CLVS1: variants seen among roughly 807,000 people sequenced by gnomAD.
CLVS1 encodes the protein clavesin 1.
CLVS1 carries 10 observed loss-of-function variants against 33.1 expected under a neutral mutation model. That is an observed-to-expected ratio of 0.30 (90% CI 0.19 to 0.51). The LOEUF (loss-of-function observed/expected upper bound fraction) is 0.51, where lower values mean the gene tolerates loss of function less well. Ranked by LOEUF, CLVS1 falls within the 20% of genes least tolerant of loss-of-function variation. The pLI is 0.97. For missense variants in CLVS1, 343 were observed against 433.4 expected (o/e 0.79, Z 1.85); for synonymous variants, 163 against 166.1 (o/e 0.98, Z 0.14).
intron 2 of CLVS1, among the ~76,000 whole-genome samples, chr8:61,159,544 T>C (rs571729133): frequency 4.6e-5 from 7 of 152,236 alleles, no homozygotes; most frequent in Non-Finnish European, 1.0e-4. Flanking sequence ...TTAATCAAAT[T>C]GGATTTGAAA....
the CLVS1 span, among the ~76,000 whole-genome samples, chr8:60,984,807 G>T: frequency 9.9e-5 from 15 of 152,236 alleles, 2 homozygotes; most frequent in African/African-American, 2.9e-4. Context: ...ATGAGGAAAT[G>T]GTGGCTTCAG....
intron 2 of CLVS1, among the ~76,000 whole-genome samples, chr8:61,169,081 T>C (rs1182386818): frequency 2.6e-5 from 4 of 152,140 alleles, no homozygotes; most frequent in Non-Finnish European, 5.9e-5. Context: ...GGTTGGGAGA[T>C]GGGTTTAGTG....
At chr8:61,276,099 A>AC (rs1392776339) in intron 2 of CLVS1, among the ~76,000 whole-genome samples, 1 of 152,120 alleles carries the variant, frequency 6.6e-6, no homozygotes, top group Non-Finnish European at 1.5e-5. Flanking sequence ...CCATTAAGAA[A>AC]CCTATGCTTG....
At chr8:61,433,443 GTTGT>G (rs1262203753) in intron 3 of CLVS1, among the ~76,000 whole-genome samples, 1 of 152,178 alleles carries the variant, frequency 6.6e-6, no homozygotes, top group East Asian at 1.9e-4. Context: ...CAGATTTGTT[GTTGT>G]TTGTTTGCCT....
intron 2 of CLVS1, among the ~76,000 whole-genome samples, chr8:61,198,091 G>A (rs1183749035): frequency 6.8e-6 from 1 of 147,636 alleles, no homozygotes; most frequent in Non-Finnish European, 1.5e-5. Flanking sequence ...TGTGCAGATA[G>A]TTGTTAAAAT....
intron 5 of CLVS1, among the ~76,000 whole-genome samples, chr8:61,484,512 T>C (rs914720985): frequency 1.3e-5 from 2 of 152,178 alleles, no homozygotes; most frequent in Non-Finnish European, 2.9e-5. Context: ...AAAATGGCCA[T>C]ACTGCCCAAG....
In CLVS1 at chr8:61,500,776, TCAAA is replaced by T. The variant is rs572448086; in HGVS notation, c.*1239_*1242del. ...TAGTATTACCAGTTGGTGCTCAAAGTCAAACAAAAATATTTTAGTTAATAATGGG... is the reference window on the plus strand; with the variant it reads ...TAGTATTACCAGTTGGTGCTCAAAGTCAAAAATATTTTAGTTAATAATGGG... On this transcript the variant is annotated 3_prime_UTR_variant, in exon 6 of 6. Transcript: ENST00000325897. The T allele has an allele frequency of 2.6e-5, 4 of 152,168 alleles. No individual in the cohort carries two copies. The highest frequency in any genetic ancestry group is 9.7e-5 in the African/African-American group (4 of 41,448). 9.4% of individuals were successfully genotyped at this position (152,168 alleles called of 1,614,324 possible). A position where few individuals can be genotyped will look rare whatever the true frequency, so the allele number is the denominator to read the frequency against.
chr8:61,318,376 T>C lies in CLVS1; in HGVS notation c.455+18094T>C, dbSNP rs565368934. Among the ~76,000 whole-genome samples the C allele has an allele frequency of 1.3e-4, 20 of 152,290 alleles. No homozygotes were observed. In the South Asian group the frequency reaches 4.1e-3, roughly 32 times the overall value. ...TCTTTCAACAAATACTTATTGAACA[T>C]ATACTGCATGCCAGATGTTTCCTAG... On this transcript the variant is annotated intron_variant, in intron 2 of 5. Coordinates refer to ENST00000325897, the MANE Select transcript of CLVS1 (RefSeq NM_173519.3).
intron 3 of CLVS1, among the ~76,000 whole-genome samples, chr8:61,408,219 A>G (rs1424235362): frequency 6.6e-6 from 1 of 152,214 alleles, no homozygotes; most frequent in East Asian, 1.9e-4. Context: ...TAGCAAGAAG[A>G]CAAAACAAGA....
the CLVS1 span, among the ~76,000 whole-genome samples, chr8:61,046,735 T>G: frequency 2.0e-4 from 31 of 152,144 alleles, no homozygotes; most frequent in African/African-American, 3.6e-4. Context: ...CTAGGTATTT[T>G]ATTCTCTTTG....
At chr8:61,020,992 C>G in the CLVS1 span, among the ~76,000 whole-genome samples, 1 of 152,238 alleles carries the variant, frequency 6.6e-6, no homozygotes, top group Non-Finnish European at 1.5e-5. Flanking sequence ...ATGGAGGGCT[C>G]TCTATAAAGG....
intron 1 of CLVS1, among the ~76,000 whole-genome samples, chr8:61,117,418 A>G (rs533262886): frequency 6.6e-6 from 1 of 151,800 alleles, no homozygotes; most frequent in Non-Finnish European, 1.5e-5. Context: ...GTTGAATAGG[A>G]GTGGTGAGAG....
At chr8:61,432,298 C>T (rs954100599) in intron 3 of CLVS1, among the ~76,000 whole-genome samples, 3 of 152,030 alleles carry the variant, frequency 2.0e-5, no homozygotes, top group Admixed American at 6.6e-5. Context: ...TCACTTAACA[C>T]TATTATGGGA....
intron 1 of CLVS1, among the ~76,000 whole-genome samples, chr8:61,118,270 T>C (rs201111845): frequency 2.0e-5 from 3 of 151,292 alleles, no homozygotes; most frequent in Admixed American, 6.6e-5. Flanking sequence ...TCTTTTTTTC[T>C]TTATTAGTCT....
chr8:61,199,872 T>C (rs1003282846), intron 2 of CLVS1, among the ~76,000 whole-genome samples: 1 of 152,186 alleles, frequency 6.6e-6, no homozygotes, highest in African/African-American at 2.4e-5. Flanking sequence ...TGTGGGTTAG[T>C]GTCCATTATT....
chr8:61,376,992 C>A, intron 3 of CLVS1: 1 of 487,474 alleles, frequency 2.1e-6, no homozygotes, highest in African/African-American at 1.9e-5. Flanking sequence ...TACTGTTACC[C>A]CAGGCACAAA....
At chr8:61,006,255 TG>T in the CLVS1 span, among the ~76,000 whole-genome samples, 1 of 152,228 alleles carries the variant, frequency 6.6e-6, no homozygotes, top group South Asian at 2.1e-4. Context: ...CAATTATTGC[TG>T]ATCTTCTGGA....
chr8:61,086,608 T>C (rs993180374), intron 1 of CLVS1, among the ~76,000 whole-genome samples: 2 of 152,258 alleles, frequency 1.3e-5, no homozygotes, highest in Admixed American at 1.3e-4. Context: ...GGGTTACTTT[T>C]TTTTTTCAAG....
At chr8:61,344,233 AT>A (rs1205794774) in intron 2 of CLVS1, among the ~76,000 whole-genome samples, 1 of 152,094 alleles carries the variant, frequency 6.6e-6, no homozygotes, top group Non-Finnish European at 1.5e-5. Flanking sequence ...TAATAAATTC[AT>A]TTTACTTTTT....
Sources: gnomAD v4.1 joint callset for allele counts (sites outside exome capture counted in the v4.1 genomes callset) on GRCh38, gnomAD v4.1.1 for gene constraint, MANE v1.5 for transcripts, NCBI Gene and HGNC (gene_info 2026-07-23, HGNC 2026-07-21) for gene names.